The following GSAP variants were observed in gnomAD, a reference collection of about 807,000 sequenced individuals.
The protein encoded by GSAP is gamma-secretase-activating protein.
In GSAP, 118 loss-of-function variants were observed where a neutral mutation model predicts 131.7. That is an observed-to-expected ratio of 0.90 (90% CI 0.77 to 1.04). GSAP has a LOEUF of 1.04. GSAP is among the 50% of genes least tolerant of loss of function. The probability of loss-of-function intolerance (pLI) is 0.00; values close to 1 mark genes in which losing one functional copy is unlikely to be tolerated. For synonymous variants in GSAP, 381 were observed against 363.4 expected, an observed-to-expected ratio of 1.05 and a Z score of -0.55; for missense variants, 1,019 against 1,013.2, an observed-to-expected ratio of 1.01 and a Z score of -0.08.
intron 12 of GSAP, among the ~76,000 whole-genome samples, chr7:77,368,649 G>T (rs112941744): frequency 6.6e-6 from 1 of 152,242 alleles, no homozygotes; most frequent in Non-Finnish European, 1.5e-5. Context: ...TTGGATGTGA[G>T]TCCTGCTTTT....
chr7:77,324,826 C>CTTTTTTTTTTT (rs150930764), intron 23 of GSAP, among the ~76,000 whole-genome samples: 1 of 97,314 alleles, frequency 1.0e-5, no homozygotes, highest in Non-Finnish European at 1.9e-5. Context: ...GTTTGCCATA[C>CTTTTTTTTTTT]TTTTTTTTTT....
chr7:77,354,113 T>C (rs550615785), intron 16 of GSAP, among the ~76,000 whole-genome samples: 2 of 152,320 alleles, frequency 1.3e-5, no homozygotes, highest in Admixed American at 6.5e-5. Flanking sequence ...ATCCCTGCTA[T>C]ACCATCAACT....
chr7:77,391,125 CAAAAAAAA>C (rs3083869), intron 5 of GSAP, among the ~76,000 whole-genome samples: 3 of 65,094 alleles, frequency 4.6e-5, no homozygotes, highest in South Asian at 5.5e-4. Flanking sequence ...GGCTCCGTCT[CAAAAAAAA>C]AAAAAAAAAA....
At chr7:77,361,972 C>T (rs1438337767) in intron 13 of GSAP, among the ~76,000 whole-genome samples, 13 of 152,110 alleles carry the variant, frequency 8.5e-5, no homozygotes, top group Admixed American at 7.9e-4. Flanking sequence ...TAGATACTTT[C>T]CAAATAGCGA....
intron 8 of GSAP, among the ~76,000 whole-genome samples, chr7:77,378,338 G>T (rs1797270999): frequency 6.6e-6 from 1 of 152,048 alleles, no homozygotes; most frequent in Non-Finnish European, 1.5e-5. Flanking sequence ...ACAAAAATTA[G>T]CCAGGCATGG....
chr7:77,352,208 A>C (rs1317089562), intron 18 of GSAP, among the ~76,000 whole-genome samples: 1 of 152,168 alleles, frequency 6.6e-6, no homozygotes, highest in Non-Finnish European at 1.5e-5. Context: ...TTTTCCTATG[A>C]CTGTGTTATT....
At position 77,312,096 on chromosome 7, in the gene GSAP, C is replaced by G. The variant is rs755993171; in HGVS notation, c.2373+5G>C. On this transcript the variant is annotated splice_donor_5th_base_variant and intron_variant, in intron 29 of 30. Transcript: ENST00000257626. ...TTAGTTGGCTGTGCTTTCAGAGAAA[C>G]TCACCTGTTTCTTATAGTTCTGAAG... 2 of 1,567,160 alleles carry G rather than the reference C, an allele frequency of 1.3e-6. No individual in the cohort carries two copies. The highest frequency in any genetic ancestry group is 1.7e-6 in the Non-Finnish European group (2 of 1,148,322).
intron 5 of GSAP, among the ~76,000 whole-genome samples, chr7:77,392,224 G>GGA (rs571776156): frequency 2.3e-5 from 3 of 127,706 alleles, no homozygotes; most frequent in African/African-American, 8.6e-5. Context: ...TCCATCTCAG[G>GGA]AAAAAAAAAA....
intron 14 of GSAP, among the ~76,000 whole-genome samples, chr7:77,357,742 G>A (rs999625079): frequency 4.2e-5 from 6 of 143,212 alleles, no homozygotes; most frequent in Non-Finnish European, 8.8e-5. Flanking sequence ...GAGGCTGGAG[G>A]GAGGACGCAA....
chr7:77,342,622 A>G (rs1162513736), intron 19 of GSAP, among the ~76,000 whole-genome samples: 1 of 152,058 alleles, frequency 6.6e-6, no homozygotes, highest in African/African-American at 2.4e-5. Flanking sequence ...CTTGGCGACC[A>G]ATCATGCACC....
intron 20 of GSAP, 198 bp from the exon 21 acceptor site, chr7:77,329,589 G>A (rs779807815): frequency 1.4e-5 from 5 of 368,580 alleles, no homozygotes; most frequent in Admixed American, 4.8e-5. Flanking sequence ...AGGAAACTGC[G>A]AGTCAACTAT....
intron 19 of GSAP, among the ~76,000 whole-genome samples, chr7:77,346,458 G>A (rs1257163960): frequency 6.6e-6 from 1 of 151,740 alleles, no homozygotes; most frequent in Non-Finnish European, 1.5e-5. Context: ...CCAACACTTT[G>A]GGAGGCCGAG....
chr7:77,385,485 C>T (rs1384330294), intron 6 of GSAP, among the ~76,000 whole-genome samples: 1 of 152,202 alleles, frequency 6.6e-6, no homozygotes, highest in African/African-American at 2.4e-5. Context: ...CTCCAATTCC[C>T]TTTAGTTACC....
intron 3 of GSAP, among the ~76,000 whole-genome samples, chr7:77,403,929 A>G (rs1473491646): frequency 6.6e-6 from 1 of 152,268 alleles, no homozygotes; most frequent in Non-Finnish European, 1.5e-5. Flanking sequence ...TCCTAGATAC[A>G]CACACAAAAG....
At chr7:77,311,561 A>T (rs750808254) in intron 30 of GSAP, 112 bp from the exon 31 acceptor site, 5 of 624,472 alleles carry the variant, frequency 8.0e-6, no homozygotes, top group Non-Finnish European at 1.4e-5. Context: ...TAGTAAAATG[A>T]ATTTTTTAAG....
At chr7:77,410,484 G>A (rs938666425) in intron 1 of GSAP, among the ~76,000 whole-genome samples, 22 of 152,182 alleles carry the variant, frequency 1.4e-4, no homozygotes, top group Admixed American at 7.8e-4. Flanking sequence ...TTTCAAATGA[G>A]GAAATGTGGC....
chr7:77,349,547 G>T, intron 18 of GSAP, 143 bp from the exon 19 acceptor site: 1 of 637,472 alleles, frequency 1.6e-6, no homozygotes, highest in South Asian at 1.9e-5. Flanking sequence ...AACCTTGGAG[G>T]GCATAAATAA....
chr7:77,325,674 G>A (rs545442130), intron 23 of GSAP, among the ~76,000 whole-genome samples: 2 of 152,312 alleles, frequency 1.3e-5, no homozygotes, highest in East Asian at 1.9e-4. Flanking sequence ...GGGTTCAAGC[G>A]ATTCTCCTGC....
chr7:77,348,476 G>A (rs1162879692), intron 19 of GSAP, among the ~76,000 whole-genome samples: 1 of 151,996 alleles, frequency 6.6e-6, no homozygotes, highest in African/African-American at 2.4e-5. Flanking sequence ...GACCTAAAAT[G>A]CCACAGCCTT....
Sources: gnomAD v4.1 joint callset for allele counts (sites outside exome capture counted in the v4.1 genomes callset) on GRCh38, gnomAD v4.1.1 for gene constraint, MANE v1.5 for transcripts, NCBI Gene and HGNC (gene_info 2026-07-23, HGNC 2026-07-21) for gene names.